The following GOLGB1 variants were observed in gnomAD, a reference collection of about 807,000 sequenced individuals.
GOLGB1 encodes golgin subfamily B member 1.
Under a neutral mutation model 336.9 loss-of-function variants are expected in GOLGB1, and 174 were observed. That is an observed-to-expected ratio of 0.52 (90% CI 0.46 to 0.59). GOLGB1 has a LOEUF of 0.59. GOLGB1 is among the 20% of genes least tolerant of loss of function. The pLI is 0.00. For synonymous variants in GOLGB1, 1,208 were observed against 1,289.2 expected (o/e 0.94, Z 1.35); for missense variants, 3,331 against 3,645.3 (o/e 0.91, Z 2.22).
intron 12 of GOLGB1, 125 bp from the exon 13 acceptor site, chr3:121,699,054 A>C: frequency 1.5e-6 from 1 of 661,072 alleles, no homozygotes; most frequent in Non-Finnish European, 2.5e-6. Context: ...CCTTCTTTGT[A>C]CCATAACACT....
chr3:121,722,437 A>G, intron 5 of GOLGB1, 59 bp from the exon 6 acceptor site: 1 of 905,988 alleles, frequency 1.1e-6, no homozygotes, highest in East Asian at 2.5e-5. Context: ...AATGAGCATT[A>G]TTAATTCTTT....
chr3:121,748,956 A>G, intron 1 of GOLGB1: 3 of 983,794 alleles, frequency 3.0e-6, no homozygotes, highest in Non-Finnish European at 3.6e-6. Context: ...AAACCAAGTT[A>G]TTTTTCCTCG....
Position 121,664,545 on chromosome 3 carries a change from GA to G in GOLGB1, c.9729del (p.Leu3244Ter). The G allele has an allele frequency of 6.2e-7, 1 of 1,613,364 alleles. No homozygotes were observed. Among genetic ancestry groups the G allele is most frequent in the Non-Finnish European group, 8.5e-7 (1 of 1,179,250 alleles). On this transcript the variant is annotated frameshift_variant, in exon 22 of 22. Transcript: ENST00000614479. LOFTEE classifies it high-confidence loss of function. ...SLCHSRTRVP[L>X]LAAIYFLMIH... ...ATCATTAGAAAGTAGATGGCTGCTA[GA>G]AGTGGCACTCGGGTCCGTGAATGAC...
intron 6 of GOLGB1, among the ~76,000 whole-genome samples, chr3:121,721,514 A>T (rs1041934269): frequency 2.0e-5 from 3 of 152,166 alleles, no homozygotes; most frequent in African/African-American, 7.2e-5. Context: ...CTGTAGTCCC[A>T]GCTACTTGGG....
At chr3:121,709,678 G>C (rs1944180184) in intron 10 of GOLGB1, among the ~76,000 whole-genome samples, 2 of 152,050 alleles carry the variant, frequency 1.3e-5, no homozygotes, top group Non-Finnish European at 2.9e-5. Context: ...ATGCTTAGAG[G>C]GAACTGTGTT....
In GOLGB1 at chr3:121,698,377, A is replaced by C; in HGVS notation, c.2146T>G (p.Leu716Val). 6.2e-7 allele frequency: 1 copy of C among 1,613,638 alleles called. No individual in the cohort carries two copies. The highest frequency in any genetic ancestry group is 1.3e-5 in the African/African-American group (1 of 74,948). The change falls in exon 13 of 22, where the codon TTA becomes GTA. Residue 716 changes from leucine (L) to valine (V), a missense_variant. Coordinates refer to ENST00000614479, the MANE Select transcript of GOLGB1 (RefSeq NM_001366282.2). ...HKAQEIYEKN[L>V]DEKAKEISNL... ...CTAATTTCCTTAGCTTTCTCATCTA[A>C]ATTTTTCTCATAGATTTCTTGTGCT...
chr3:121,688,780 G>C (rs1331567603), intron 14 of GOLGB1, among the ~76,000 whole-genome samples: 2 of 151,120 alleles, frequency 1.3e-5, no homozygotes, highest in East Asian at 3.9e-4. Context: ...GAGATGTGGA[G>C]AGCGCCTCTG....
chr3:121,666,060 A>G (rs1005816083), intron 20 of GOLGB1, among the ~76,000 whole-genome samples: 13 of 152,170 alleles, frequency 8.5e-5, no homozygotes, highest in African/African-American at 2.7e-4. Flanking sequence ...GTCTGTTACT[A>G]TGGAGGTCAG....
chr3:121,721,472 T>C (rs1192264046), intron 6 of GOLGB1, among the ~76,000 whole-genome samples: 1 of 152,008 alleles, frequency 6.6e-6, no homozygotes, highest in Non-Finnish European at 1.5e-5. Flanking sequence ...TCAAAAAATG[T>C]AAAAAATTTA....
intron 1 of GOLGB1, among the ~76,000 whole-genome samples, chr3:121,737,651 CAAA>C (rs35553866): frequency 8.6e-6 from 1 of 116,252 alleles, no homozygotes. Context: ...GACCGCGTCT[CAAA>C]AAAAAAAAAA....
At chr3:121,665,684 T>A (rs1349451422) in intron 20 of GOLGB1, among the ~76,000 whole-genome samples, 1 of 152,228 alleles carries the variant, frequency 6.6e-6, no homozygotes, top group East Asian at 1.9e-4. Flanking sequence ...AATGGTTATG[T>A]CAAACAAACA....
At position 121,727,056 on chromosome 3, in the gene GOLGB1, G is replaced by A. The variant is rs750115498; in HGVS notation, c.403-15C>T. The A allele has an allele frequency of 4.8e-6, 7 of 1,459,112 alleles. No individual in the cohort carries two copies. In the African/African-American group the frequency reaches 8.5e-5, roughly 18 times the overall value. 90.4% of individuals were successfully genotyped at this position (1,459,112 alleles called of 1,614,324 possible). A position where few individuals can be genotyped will look rare whatever the true frequency, so the allele number is the denominator to read the frequency against. ...CTCTTGTCATGCTGAAAATGCAGGA[G>A]ATAAAGTCATTATTTAAAAGAATTA... On this transcript the variant is annotated splice_polypyrimidine_tract_variant and intron_variant, in intron 4 of 21. Coordinates refer to ENST00000614479, the MANE Select transcript of GOLGB1 (RefSeq NM_001366282.2).
rs751191453 is a variant in GOLGB1, at chr3:121,718,411, T to C, written c.862A>G (p.Thr288Ala). ...ACCTGGTTTCTCTGCTCAGCAGCAG[T>C]CAGCTCCTGTTGCAGCAAGTCAACG... The part of the protein sequence containing the change: ...QVVDLLQQEL[T>A]AAEQRNQILS... The change falls in exon 8 of 22, where the codon ACT becomes GCT. Residue 288 changes from threonine (T) to alanine (A), a missense_variant. Physicochemically the swap from Thr to Ala is moderately conservative, Grantham distance 58. Transcript: ENST00000614479. The C allele has an allele frequency of 1.2e-6, 2 of 1,609,822 alleles. No individual in the cohort carries two copies. The highest frequency in any genetic ancestry group is 1.3e-5 in the African/African-American group (1 of 74,826).
intron 10 of GOLGB1, among the ~76,000 whole-genome samples, chr3:121,707,234 A>AC (rs1228598435): frequency 3.3e-5 from 5 of 150,976 alleles, no homozygotes; most frequent in Admixed American, 1.3e-4. Flanking sequence ...TCAAAAAAAA[A>AC]AAAAAAAACA....
At position 121,698,227 on chromosome 3, in the gene GOLGB1, C is replaced by G. The variant is rs749628780; in HGVS notation, c.2296G>C (p.Glu766Gln). The change falls in exon 13 of 22, where the codon GAA (glutamate) becomes CAA (glutamine). Residue 766 changes from glutamate to glutamine, a missense_variant. Coordinates refer to ENST00000614479, the MANE Select transcript of GOLGB1 (RefSeq NM_001366282.2). ...AGTTGCTTTACCTGAGCCCTCAATT[C>G]TGTTACCATGCTAAGTTCCTTCACC... is the stretch of plus-strand genomic sequence containing the variant. ...SQVKELSMVT[E>Q]LRAQVKQLEM... The G allele has an allele frequency of 4.3e-6, 7 of 1,613,922 alleles. No homozygotes were observed. Among genetic ancestry groups the G allele is most frequent in the Non-Finnish European group, 5.9e-6 (7 of 1,179,936 alleles).
rs748558505 is a variant in GOLGB1 at position 121,668,042 on chromosome 3, T to G, written c.9419+19A>C. ...GGACTCTGGTGTATGCTCCAGGGTT[T>G]AGAGAGCCACTCCCCTACCTTTGCT... is the stretch of plus-strand genomic sequence containing the variant. On this transcript the variant is annotated intron_variant, in intron 19 of 21. Coordinates refer to ENST00000614479, the MANE Select transcript of GOLGB1 (RefSeq NM_001366282.2). The G allele has an allele frequency of 8.5e-5, 118 of 1,393,186 alleles. No individual in the cohort carries two copies. Among genetic ancestry groups the G allele is most frequent in the Middle Eastern group, 7.2e-4 (4 of 5,586 alleles). 86.3% of individuals were successfully genotyped at this position (1,393,186 alleles called of 1,614,324 possible). A position where few individuals can be genotyped will look rare whatever the true frequency, so the allele number is the denominator to read the frequency against.
rs749130958 is a variant in GOLGB1, at chr3:121,692,580, G to A, written c.6784C>T (p.Leu2262Phe). 6.5e-7 allele frequency: 1 copy of A among 1,548,698 alleles called. No individual in the cohort carries two copies. Among genetic ancestry groups the A allele is most frequent in the South Asian group, 1.2e-5 (1 of 81,924 alleles). The change falls in exon 14 of 22, where the codon CTT becomes TTT. Residue 2262 changes from leucine to phenylalanine, a missense_variant and splice_region_variant. Leu to Phe is a conservative substitution (Grantham distance 22). Transcript: ENST00000614479. The stretch of plus-strand genomic sequence containing the variant: ...TCCCAAATCTGCTTGTCATGTTCAA[G>A]CCTGAAACAGAGAGAAGGTCATTAG... ...MEELKINISR[L>F]EHDKQIWESK... is the part of the protein sequence containing the mutation.
In GOLGB1 at chr3:121,744,914, G is replaced by C. The variant is rs550076591; in HGVS notation, c.-3+4718C>G. On this transcript the variant is annotated intron_variant, in intron 1 of 21. Transcript: ENST00000614479. Reference sequence around the variant, plus strand: ...CCAAGGAACTGAGTTTTCCGTCCTGGCTCAATAAGAAGCTGCATCATAGTG... The same window carrying C: ...CCAAGGAACTGAGTTTTCCGTCCTGCCTCAATAAGAAGCTGCATCATAGTG... Among the ~76,000 whole-genome samples the C allele has an allele frequency of 1.9e-4, 29 of 152,234 alleles. 2 individuals are homozygous for C. The South Asian group carries it at 5.6e-3, about 29-fold the overall frequency.
chr3:121,679,220 A>T (rs1940779729), intron 15 of GOLGB1, among the ~76,000 whole-genome samples: 1 of 152,232 alleles, frequency 6.6e-6, no homozygotes, highest in Non-Finnish European at 1.5e-5. Flanking sequence ...ACTCAAAGGA[A>T]ATGCTCATTA....
Sources: allele counts gnomAD v4.1 joint callset (sites outside exome capture counted in the v4.1 genomes callset), GRCh38; gene constraint gnomAD v4.1.1; transcripts MANE v1.5; gene names NCBI Gene and HGNC (gene_info 2026-07-23, HGNC 2026-07-21).